TMEM182: variants seen among roughly 807,000 people sequenced by gnomAD.
TMEM182 encodes the protein transmembrane protein 182.
Under a neutral mutation model 26.8 loss-of-function variants are expected in TMEM182, and 20 were observed. The ratio of observed to expected loss-of-function variants is 0.75; its 90% CI spans 0.53 to 1.09. TMEM182 has a LOEUF of 1.09. Among genes scored for constraint, TMEM182 ranks in the 50% least tolerant of loss-of-function variants. The pLI, the probability that TMEM182 is intolerant of heterozygous loss-of-function variation, is 0.00. For missense variants in TMEM182, 277 were observed against 275.5 expected, an observed-to-expected ratio of 1.01 and a Z score of -0.04; for synonymous variants, 109 against 102.2, an observed-to-expected ratio of 1.07 and a Z score of -0.40.
chr2:102,808,755 G>A (rs1223933952), intron 4 of TMEM182, among the ~76,000 whole-genome samples: 1 of 152,140 alleles, frequency 6.6e-6, no homozygotes, highest in African/African-American at 2.4e-5. Context: ...GCAATAAAAA[G>A]GAATGAAGTG....
chr2:102,763,611 G>A (rs1213146326), intron 2 of TMEM182, among the ~76,000 whole-genome samples: 4 of 152,156 alleles, frequency 2.6e-5, no homozygotes, highest in Non-Finnish European at 5.9e-5. Flanking sequence ...GTACCTGATA[G>A]ACTATCTTAC....
At chr2:102,819,090 A>T (rs1387064185), downstream of TMEM182, among the ~76,000 whole-genome samples, 1 of 152,234 alleles carries the variant, frequency 6.6e-6, no homozygotes, top group Non-Finnish European at 1.5e-5. Context: ...TCTAGGAATT[A>T]CAGTGACATA....
intron 4 of TMEM182, among the ~76,000 whole-genome samples, chr2:102,809,184 G>A (rs1682457537): frequency 6.6e-6 from 1 of 152,136 alleles, no homozygotes; most frequent in South Asian, 2.1e-4. Context: ...TTTAAGAAAT[G>A]TTTATATGAA....
chr2:102,780,468 T>TCAG (rs1681119810), intron 3 of TMEM182, among the ~76,000 whole-genome samples: 1 of 152,120 alleles, frequency 6.6e-6, no homozygotes, highest in Non-Finnish European at 1.5e-5. Context: ...AACCATAGCT[T>TCAG]CTGCTGACAA....
intron 2 of TMEM182, 79 bp downstream of exon 2, chr2:102,762,765 C>A: frequency 1.7e-6 from 2 of 1,180,548 alleles, no homozygotes; most frequent in Non-Finnish European, 2.4e-6. Context: ...TATGTCACTT[C>A]TAGCGGACTG....
At chr2:102,819,191 C>A (rs969393011), downstream of TMEM182, among the ~76,000 whole-genome samples, 19 of 152,148 alleles carry the variant, frequency 1.2e-4, no homozygotes, top group Non-Finnish European at 1.5e-5. Flanking sequence ...TAAAGAGAGA[C>A]TGCCACTGTT....
At chr2:102,787,054 G>A (rs934726765) in intron 3 of TMEM182, among the ~76,000 whole-genome samples, 1 of 152,164 alleles carries the variant, frequency 6.6e-6, no homozygotes, top group Admixed American at 6.5e-5. Context: ...CCGGTAAAGG[G>A]TATTCCAACT....
At chr2:102,779,869 G>A (rs750576339) in intron 3 of TMEM182, among the ~76,000 whole-genome samples, 3 of 152,018 alleles carry the variant, frequency 2.0e-5, no homozygotes, top group South Asian at 2.1e-4. Flanking sequence ...TGGGTGTGGC[G>A]GTGGGTGCCT....
intron 4 of TMEM182, among the ~76,000 whole-genome samples, chr2:102,798,296 G>C (rs1467034789): frequency 6.6e-6 from 1 of 152,154 alleles, no homozygotes; most frequent in Non-Finnish European, 1.5e-5. Context: ...CTGAGGCTTA[G>C]AGGAGAAAAC....
chr2:102,776,176 A>T (rs1281069660), intron 3 of TMEM182, among the ~76,000 whole-genome samples: 2 of 152,156 alleles, frequency 1.3e-5, no homozygotes, highest in Non-Finnish European at 2.9e-5. Flanking sequence ...ATGAGCCAAC[A>T]TTGATCCATT....
At chr2:102,805,573 T>C (rs1031104689) in intron 4 of TMEM182, among the ~76,000 whole-genome samples, 2 of 151,164 alleles carry the variant, frequency 1.3e-5, no homozygotes, top group African/African-American at 2.4e-5. Context: ...ACTTCAAACT[T>C]GAATAAATGC....
chr2:102,792,519 A>G (rs1681691936), intron 3 of TMEM182, among the ~76,000 whole-genome samples: 1 of 152,226 alleles, frequency 6.6e-6, no homozygotes, highest in South Asian at 2.1e-4. Flanking sequence ...TAGAGAGTGC[A>G]TGAACTCTAT....
At chr2:102,799,607 A>G (rs994286707) in intron 4 of TMEM182, among the ~76,000 whole-genome samples, 1 of 152,234 alleles carries the variant, frequency 6.6e-6, no homozygotes, top group Admixed American at 6.5e-5. Context: ...TCTAATGGTC[A>G]TAGACTAAGT....
At position 102,815,096 on chromosome 2, in the gene TMEM182, A is replaced by AT; in HGVS notation, c.*132dup. The AT allele has an allele frequency of 6.9e-7, 1 of 1,449,076 alleles. No individual in the cohort carries two copies. 89.8% of individuals were successfully genotyped at this position (1,449,076 alleles called of 1,614,324 possible). A position where few individuals can be genotyped will look rare whatever the true frequency, so the allele number is the denominator to read the frequency against. On this transcript the variant is annotated 3_prime_UTR_variant, in exon 5 of 5. Coordinates refer to ENST00000412401, the MANE Select transcript of TMEM182 (RefSeq NM_144632.5). Reference sequence around the variant, plus strand: ...TTTTTAGTTGCTATTCAAATTAATCATTTTACTAAAATTTTCTTCAGTAAG... The same window carrying AT: ...TTTTTAGTTGCTATTCAAATTAATCATTTTTACTAAAATTTTCTTCAGTAAG...
intron 3 of TMEM182, among the ~76,000 whole-genome samples, chr2:102,766,054 A>G (rs1680420080): frequency 6.6e-6 from 1 of 152,206 alleles, no homozygotes; most frequent in Non-Finnish European, 1.5e-5. Context: ...CTGAAAAGTA[A>G]TACAAGGTTG....
chr2:102,783,308 G>C (rs1353872793), intron 3 of TMEM182, among the ~76,000 whole-genome samples: 1 of 152,210 alleles, frequency 6.6e-6, no homozygotes, highest in Non-Finnish European at 1.5e-5. Context: ...ATAGAAACTG[G>C]AAAGTTCAAT....
At chr2:102,741,907 A>G (rs1277884500) in intron 1 of TMEM182, among the ~76,000 whole-genome samples, 1 of 152,218 alleles carries the variant, frequency 6.6e-6, no homozygotes, top group African/African-American at 2.4e-5. Context: ...CCAGATTAAC[A>G]TGAAACCTCA....
At chr2:102,799,943 A>G (rs991772385) in intron 4 of TMEM182, among the ~76,000 whole-genome samples, 1 of 152,102 alleles carries the variant, frequency 6.6e-6, no homozygotes, top group African/African-American at 2.4e-5. Flanking sequence ...GGTCAGAGAA[A>G]AACTTTTGCT....
chr2:102,764,933 A>G (rs1419790570), intron 3 of TMEM182, among the ~76,000 whole-genome samples: 1 of 151,962 alleles, frequency 6.6e-6, no homozygotes, highest in Non-Finnish European at 1.5e-5. Context: ...CATAGGAGAC[A>G]GACAGACAGA....
Sources: gnomAD v4.1 joint callset for allele counts (sites outside exome capture counted in the v4.1 genomes callset) on GRCh38, gnomAD v4.1.1 for gene constraint, MANE v1.5 for transcripts, NCBI Gene and HGNC (gene_info 2026-07-23, HGNC 2026-07-21) for gene names.